DCT: variants seen among roughly 807,000 people sequenced by gnomAD.
DCT encodes L-dopachrome tautomerase.
Under a neutral mutation model 53.0 loss-of-function variants are expected in DCT, and 47 were observed. The ratio of observed to expected loss-of-function variants is 0.89; its 90% CI spans 0.70 to 1.13. DCT has a LOEUF of 1.13. Among genes scored for constraint, DCT ranks in the 50% most tolerant of loss-of-function variants. The pLI is 0.00. For synonymous variants in DCT, 244 were observed against 237.0 expected, an observed-to-expected ratio of 1.03 and a Z score of -0.27; for missense variants, 669 against 637.4, an observed-to-expected ratio of 1.05 and a Z score of -0.53.
At chr13:94,492,049 G>A in the DCT span, among the ~76,000 whole-genome samples, 1 of 152,020 alleles carries the variant, frequency 6.6e-6, no homozygotes, top group South Asian at 2.1e-4. Flanking sequence ...GACAACCAGG[G>A]GTGAGTAAAA....
the DCT span, among the ~76,000 whole-genome samples, chr13:94,502,664 T>C: frequency 6.6e-6 from 1 of 152,142 alleles, no homozygotes; most frequent in East Asian, 1.9e-4. Flanking sequence ...TTCACCCCTT[T>C]CCCTCAGCTT....
At chr13:94,539,015 C>T in the DCT span, among the ~76,000 whole-genome samples, 1 of 152,190 alleles carries the variant, frequency 6.6e-6, no homozygotes, top group South Asian at 2.1e-4. Context: ...TCAGTCCCGA[C>T]CACCACCAGG....
In DCT at chr13:94,479,522, T is replaced by G; in HGVS notation, c.-267A>C. On this transcript the variant is annotated 5_prime_UTR_variant, in exon 1 of 8. Transcript: ENST00000377028. The stretch of plus-strand genomic sequence containing the variant: ...TTAGAAGCGCCTCTAACAACCAAAT[T>G]TAATGAGGGTAGCGCTTCTCACCAT... The G allele has an allele frequency of 2.6e-6, 1 of 388,182 alleles. No homozygotes were observed. Among genetic ancestry groups the G allele is most frequent in the Admixed American group, 4.2e-5 (1 of 23,628 alleles). The allele number at this position is 388,182 out of a possible 1,614,324, so 24.0% of individuals were successfully genotyped here.
upstream of DCT, among the ~76,000 whole-genome samples, chr13:94,480,698 A>C (rs571836104): frequency 4.6e-5 from 7 of 152,316 alleles, no homozygotes; most frequent in Non-Finnish European, 1.0e-4. Flanking sequence ...CCACAGCCCT[A>C]CTGAATCAGA....
chr13:94,522,678 C>T, the DCT span, among the ~76,000 whole-genome samples: 3 of 152,188 alleles, frequency 2.0e-5, no homozygotes, highest in Non-Finnish European at 4.4e-5. Context: ...TTGGAGCCTA[C>T]AGGGTATGTT....
chr13:94,480,022 CAT>C (rs1219354760), upstream of DCT, among the ~76,000 whole-genome samples: 2 of 152,136 alleles, frequency 1.3e-5, no homozygotes, highest in Non-Finnish European at 2.9e-5. Context: ...TGCTTTCTGA[CAT>C]GTGTGCAAAA....
chr13:94,478,486 GAGA>G (rs899468022), intron 1 of DCT, among the ~76,000 whole-genome samples: 2 of 151,728 alleles, frequency 1.3e-5, no homozygotes, highest in African/African-American at 4.8e-5. Context: ...CCAAAAAAAA[GAGA>G]GAGAGAGAGA....
At chr13:94,507,789 C>A in the DCT span, among the ~76,000 whole-genome samples, 1 of 152,146 alleles carries the variant, frequency 6.6e-6, no homozygotes, top group African/African-American at 2.4e-5. Context: ...CGTGAGCCAC[C>A]GCGCCCCGCC....
chr13:94,441,447 T>A (rs1008990158), intron 7 of DCT, among the ~76,000 whole-genome samples: 1 of 152,150 alleles, frequency 6.6e-6, no homozygotes, highest in African/African-American at 2.4e-5. Flanking sequence ...TGTGCGACCA[T>A]CGCCACCATC....
chr13:94,529,656 T>C, the DCT span, among the ~76,000 whole-genome samples: 7 of 152,152 alleles, frequency 4.6e-5, no homozygotes, highest in African/African-American at 1.7e-4. Flanking sequence ...TAGAGGTAAA[T>C]TTATAGCACT....
the DCT span, among the ~76,000 whole-genome samples, chr13:94,495,181 CT>C: frequency 6.6e-6 from 1 of 151,708 alleles, no homozygotes; most frequent in Middle Eastern, 3.2e-3. Flanking sequence ...ACTACAACCT[CT>C]GCCTGCCAGG....
chr13:94,523,778 C>A, the DCT span, among the ~76,000 whole-genome samples: 1 of 152,110 alleles, frequency 6.6e-6, no homozygotes, highest in Non-Finnish European at 1.5e-5. Context: ...CCCACATAAG[C>A]CCCCAACACC....
In DCT at chr13:94,468,949, T is replaced by C. The variant is rs776629253; in HGVS notation, c.392A>G (p.His131Arg). 4.3e-6 allele frequency: 7 copies of C among 1,613,988 alleles called. No individual in the cohort carries two copies. The highest frequency in any genetic ancestry group is 5.1e-6 in the Non-Finnish European group (6 of 1,179,986). Residue 131 changes from histidine to arginine, a missense_variant, in exon 2 of 8, where the codon CAT becomes CGT. By Grantham distance (29) the His-to-Arg change is conservative (BLOSUM62 0). Transcript: ENST00000377028. ...KKPPVIRQNI[H>R]SLSPQEREQF... is the part of the protein sequence containing the mutation. Reference sequence around the variant, plus strand: ...CTCTCTTTCCTGAGGACTCAAGGAATGGATGTTCTGCCGAATCACTGGTGG... The same window carrying C: ...CTCTCTTTCCTGAGGACTCAAGGAACGGATGTTCTGCCGAATCACTGGTGG...
chr13:94,509,304 T>A, the DCT span, among the ~76,000 whole-genome samples: 1 of 152,180 alleles, frequency 6.6e-6, no homozygotes, highest in Non-Finnish European at 1.5e-5. Flanking sequence ...AGAGCCTGCC[T>A]GGGTATAAAT....
At chr13:94,472,541 TATATATATATATATATATATATATA>T (rs1566854850) in intron 1 of DCT, among the ~76,000 whole-genome samples, 8 of 27,932 alleles carry the variant, frequency 2.9e-4, no homozygotes, top group African/African-American at 1.0e-3. Flanking sequence ...TATATATATA[TATATATATATATATATATATATATA>T]TATTTTTTTT....
chr13:94,482,113 G>A (rs891951948), upstream of DCT, among the ~76,000 whole-genome samples: 1 of 152,222 alleles, frequency 6.6e-6, no homozygotes, highest in Admixed American at 6.5e-5. Context: ...TTCAAGAGGG[G>A]AGAGTCCGGC....
At chr13:94,530,180 T>A in the DCT span, among the ~76,000 whole-genome samples, 1 of 152,162 alleles carries the variant, frequency 6.6e-6, no homozygotes, top group Non-Finnish European at 1.5e-5. Context: ...CAGGACCAGA[T>A]GGATACACAG....
At chr13:94,533,440 G>A in the DCT span, among the ~76,000 whole-genome samples, 1 of 152,124 alleles carries the variant, frequency 6.6e-6, no homozygotes, top group Non-Finnish European at 1.5e-5. Context: ...TAACCAGATG[G>A]AGAAAAATGG....
chr13:94,533,476 C>T, the DCT span, among the ~76,000 whole-genome samples: 882 of 152,266 alleles, frequency 5.8e-3, 13 homozygotes, highest in African/African-American at 0.02. Flanking sequence ...ACAGGGAAAA[C>T]ACCCTGGTTG....
Sources: allele counts gnomAD v4.1 joint callset (sites outside exome capture counted in the v4.1 genomes callset), GRCh38; gene constraint gnomAD v4.1.1; transcripts MANE v1.5; gene names NCBI Gene and HGNC (gene_info 2026-07-23, HGNC 2026-07-21).